RBFOX2: variants seen among roughly 807,000 people sequenced by gnomAD.
RBFOX2 encodes RNA binding protein fox-1 homolog 2.
A neutral mutation model predicts 49.1 loss-of-function variants in RBFOX2; 10 were observed. That is an observed-to-expected ratio of 0.20 (90% confidence interval 0.13 to 0.35). The LOEUF (loss-of-function observed/expected upper bound fraction) is 0.35. Among genes scored for constraint, RBFOX2 ranks in the 10% least tolerant of loss-of-function variants. The pLI is 1.00. For missense variants in RBFOX2, 323 were observed against 486.9 expected (o/e 0.66, Z 3.17); for synonymous variants, 183 against 187.4 (o/e 0.98, Z 0.19).
chr22:35,757,104 C>T (rs891538776), intron 9 of RBFOX2, among the ~76,000 whole-genome samples: 2 of 151,670 alleles, frequency 1.3e-5, no homozygotes, highest in African/African-American at 4.8e-5. Context: ...CTGGGCTTGA[C>T]CAAAGATCAC....
intron 1 of RBFOX2, among the ~76,000 whole-genome samples, chr22:35,894,257 G>A (rs578070928): frequency 1.3e-5 from 2 of 151,960 alleles, no homozygotes; most frequent in South Asian, 2.1e-4. Context: ...TTCTAACTAC[G>A]GGCAAGTCAC....
intron 1 of RBFOX2, among the ~76,000 whole-genome samples, chr22:35,877,171 T>C (rs537022109): frequency 1.3e-5 from 2 of 152,322 alleles, no homozygotes; most frequent in African/African-American, 4.8e-5. Flanking sequence ...AATTTTTTAT[T>C]TGATAATGAA....
chr22:35,814,732 A>AAAAAG lies in RBFOX2; in HGVS notation c.28-4733_28-4729dup, dbSNP rs1555962665. Among the ~76,000 whole-genome samples, 513 of 147,132 alleles carry AAAAAG rather than the reference A, an allele frequency of 3.5e-3. 1 individual carries two copies. The highest frequency in any genetic ancestry group is 7.5e-3 in the Middle Eastern group (2 of 266). The stretch of plus-strand genomic sequence containing the variant: ...TCTCAAAAAAAAAAAAAAAAAAAAA[A>AAAAAG]AAAAGAAAAGAAAAGAAAAAAGTGT... On this transcript the variant is annotated intron_variant, in intron 1 of 11. Transcript: ENST00000405409.
chr22:35,974,346 T>TAA (rs2057034342), intron 1 of RBFOX2, among the ~76,000 whole-genome samples: 1 of 152,202 alleles, frequency 6.6e-6, no homozygotes, highest in African/African-American at 2.4e-5. Context: ...TTTTCCTACA[T>TAA]TCGTTCTCGT....
intron 1 of RBFOX2, among the ~76,000 whole-genome samples, chr22:35,857,635 T>C (rs1321795503): frequency 6.6e-5 from 10 of 152,152 alleles, no homozygotes; most frequent in Admixed American, 6.5e-4. Flanking sequence ...GAAATAGCCA[T>C]GGCCATAATG....
chr22:35,837,435 GA>G, intron 1 of RBFOX2, among the ~76,000 whole-genome samples: 1 of 152,174 alleles, frequency 6.6e-6, no homozygotes, highest in Middle Eastern at 3.4e-3. Context: ...TCTATATTGA[GA>G]AAGCTTATGT....
chr22:35,986,272 A>G (rs2057721842), intron 1 of RBFOX2, among the ~76,000 whole-genome samples: 2 of 152,180 alleles, frequency 1.3e-5, no homozygotes, highest in South Asian at 4.1e-4. Flanking sequence ...CCCCAAAGAC[A>G]CAGCAGGAAT....
chr22:35,802,399 T>C (rs1949949539), intron 2 of RBFOX2, among the ~76,000 whole-genome samples: 1 of 152,170 alleles, frequency 6.6e-6, no homozygotes, highest in African/African-American at 2.4e-5. Flanking sequence ...TTGGACAAAG[T>C]TGTCAAAAAC....
chr22:35,998,382 G>A (rs2058275050), intron 1 of RBFOX2: 1 of 151,892 alleles, frequency 6.6e-6, no homozygotes, highest in African/African-American at 2.4e-5. Flanking sequence ...TTCTTAATTA[G>A]GTTTTTTTTT....
intron 1 of RBFOX2, among the ~76,000 whole-genome samples, chr22:35,899,894 G>A (rs1287129077): frequency 6.6e-6 from 1 of 152,168 alleles, no homozygotes; most frequent in Admixed American, 6.5e-5. Context: ...AGTCTTCTGA[G>A]GAGGGCCCAC....
At chr22:35,915,171 C>A (rs566824244) in intron 1 of RBFOX2, among the ~76,000 whole-genome samples, 238 of 152,292 alleles carry the variant, frequency 1.6e-3, no homozygotes, top group African/African-American at 5.6e-3. Flanking sequence ...TTAAGAGCAG[C>A]CCCATCCCCT....
chr22:36,020,013 T>C (rs1251724397), intron 1 of RBFOX2, among the ~76,000 whole-genome samples: 1 of 152,160 alleles, frequency 6.6e-6, no homozygotes, highest in Non-Finnish European at 1.5e-5. Flanking sequence ...AAGGCTATAG[T>C]AACCAAAACA....
At chr22:35,842,081 C>A (rs571624637), upstream of RBFOX2, among the ~76,000 whole-genome samples, 5 of 152,214 alleles carry the variant, frequency 3.3e-5, no homozygotes, top group South Asian at 1.0e-3. Flanking sequence ...TTGTATAACA[C>A]CATTGGCTGG....
intron 1 of RBFOX2, chr22:35,992,829 TG>T (rs2058038658): frequency 6.6e-6 from 1 of 152,358 alleles, no homozygotes; most frequent in African/African-American, 2.4e-5. Flanking sequence ...TCTATGTCTC[TG>T]CCTTACAACT....
intron 1 of RBFOX2, among the ~76,000 whole-genome samples, chr22:36,003,984 G>A (rs1237271767): frequency 6.6e-6 from 1 of 152,080 alleles, no homozygotes; most frequent in East Asian, 1.9e-4. Context: ...TGCACTTTAG[G>A]ATGTTAAAGT....
Position 35,759,846 on chromosome 22 carries a change from G to A in RBFOX2, c.887+42C>T. On this transcript the variant is annotated intron_variant, in intron 9 of 11. Coordinates refer to ENST00000405409, the Ensembl canonical transcript of RBFOX2. This position sits in a 1 kb window ranked among gnomAD's most constrained non-coding sequence, Gnocchi z 4.6. Reference sequence around the variant, plus strand: ...CATGGTATTCTTTTTTGGTCCAACTGCTTATTTTAGAAACATACTGATTTT... The same window carrying A: ...CATGGTATTCTTTTTTGGTCCAACTACTTATTTTAGAAACATACTGATTTT... The A allele has an allele frequency of 6.2e-7, 1 of 1,606,668 alleles. No homozygotes were observed. The highest frequency in any genetic ancestry group is 8.5e-7 in the Non-Finnish European group (1 of 1,174,782).
intron 1 of RBFOX2, among the ~76,000 whole-genome samples, chr22:35,907,314 A>G (rs5755984): frequency 0.078 from 11,923 of 152,308 alleles, 491 homozygotes; most frequent in South Asian, 0.09. Flanking sequence ...GAAATGTTAC[A>G]TGGAACTTCC....
intron 1 of RBFOX2, among the ~76,000 whole-genome samples, chr22:35,932,765 C>T (rs2052578296): frequency 6.6e-6 from 1 of 152,156 alleles, no homozygotes; most frequent in Non-Finnish European, 1.5e-5. Context: ...TCTGTAATCC[C>T]AGCTACTCAG....
At position 35,759,875 on chromosome 22, in the gene RBFOX2, A is replaced by G; in HGVS notation, c.887+13T>C. The G allele has an allele frequency of 1.2e-6, 2 of 1,613,276 alleles. No homozygotes were observed. The highest frequency in any genetic ancestry group is 2.2e-5 in the South Asian group (2 of 91,022). On this transcript the variant is annotated intron_variant, in intron 9 of 11. Coordinates refer to ENST00000405409, the Ensembl canonical transcript of RBFOX2. The surrounding 1 kb of genome is among the most constrained non-coding windows in gnomAD (Gnocchi z 4.6). ...ATTTTAGAAACATACTGATTTTGGA[A>G]TCTAACGCTTACCCTGGATAGGCGG...
Sources: gnomAD v4.1 joint callset for allele counts (sites outside exome capture counted in the v4.1 genomes callset) on GRCh38, gnomAD v4.1.1 for gene constraint, Gnocchi (gnomAD v3.1) non-coding constraint, MANE v1.5 for transcripts, NCBI Gene and HGNC (gene_info 2026-07-23, HGNC 2026-07-21) for gene names.